EPC2: variants seen among roughly 807,000 people sequenced by gnomAD.
EPC2 encodes the protein enhancer of polycomb homolog 2.
EPC2 carries 14 observed loss-of-function variants against 92.1 expected under a neutral mutation model. That is an observed-to-expected ratio of 0.15 (90% CI 0.10 to 0.24). EPC2 has a LOEUF of 0.24. EPC2 is among the 10% of genes least tolerant of loss of function. The pLI is 1.00. For synonymous variants in EPC2, 340 were observed against 334.7 expected (o/e 1.02, Z -0.17); for missense variants, 755 against 971.5 (o/e 0.78, Z 2.96).
intron 2 of EPC2, among the ~76,000 whole-genome samples, chr2:148,707,987 T>A (rs1039805450): frequency 6.7e-6 from 1 of 148,886 alleles, no homozygotes; most frequent in African/African-American, 2.6e-5. Context: ...AGGCAAGAAA[T>A]AACTTAAGAT....
chr2:148,717,897 T>G (rs1682290937), intron 2 of EPC2, among the ~76,000 whole-genome samples: 1 of 152,212 alleles, frequency 6.6e-6, no homozygotes, highest in South Asian at 2.1e-4. Context: ...ATTGAAGGTC[T>G]CTAAGAACTT....
chr2:148,658,880 A>G (rs930133134), intron 1 of EPC2, among the ~76,000 whole-genome samples: 1 of 151,976 alleles, frequency 6.6e-6, no homozygotes, highest in Admixed American at 6.6e-5. Flanking sequence ...AAAGATATAT[A>G]TGTATATCTT....
intron 2 of EPC2, among the ~76,000 whole-genome samples, chr2:148,694,165 G>A (rs1248865043): frequency 1.3e-5 from 2 of 152,138 alleles, no homozygotes; most frequent in African/African-American, 2.4e-5. Context: ...TCAAATATAA[G>A]GCTAAAATTA....
chr2:148,680,479 T>A (rs558688121), intron 1 of EPC2, among the ~76,000 whole-genome samples: 1 of 152,364 alleles, frequency 6.6e-6, no homozygotes, highest in South Asian at 2.1e-4. Flanking sequence ...TTGTAGCATA[T>A]TCAGCCATCT....
chr2:148,710,772 C>G (rs1351973334), intron 2 of EPC2, among the ~76,000 whole-genome samples: 1 of 152,118 alleles, frequency 6.6e-6, no homozygotes, highest in South Asian at 2.1e-4. Flanking sequence ...CGCATGTTCT[C>G]ACTCATAGGT....
At chr2:148,690,837 AT>A (rs1340509495) in intron 2 of EPC2, among the ~76,000 whole-genome samples, 1 of 151,960 alleles carries the variant, frequency 6.6e-6, no homozygotes, top group African/African-American at 2.4e-5. Flanking sequence ...TGATGTTTGT[AT>A]TTTTAGTAGA....
intron 2 of EPC2, among the ~76,000 whole-genome samples, chr2:148,728,243 G>A (rs1198627539): frequency 1.3e-5 from 2 of 152,132 alleles, no homozygotes; most frequent in African/African-American, 4.8e-5. Flanking sequence ...ACCCTGCCAA[G>A]AAAGTGTATT....
At chr2:148,708,308 G>A (rs142194339) in intron 2 of EPC2, among the ~76,000 whole-genome samples, 3 of 151,916 alleles carry the variant, frequency 2.0e-5, no homozygotes, top group Non-Finnish European at 2.9e-5. Flanking sequence ...AAGTTGAATC[G>A]CTGAATAGAC....
intron 1 of EPC2, among the ~76,000 whole-genome samples, 152 bp from the exon 2 acceptor site, chr2:148,690,062 T>G (rs1274709028): frequency 6.6e-6 from 1 of 152,244 alleles, no homozygotes; most frequent in Non-Finnish European, 1.5e-5. Flanking sequence ...GAGAGAATGA[T>G]GACAATGTAA....
intron 1 of EPC2, among the ~76,000 whole-genome samples, chr2:148,684,593 A>G (rs1245522260): frequency 1.3e-5 from 2 of 152,142 alleles, no homozygotes; most frequent in African/African-American, 4.8e-5. Flanking sequence ...GTTGATACCA[A>G]CTGTTTGGTA....
intron 2 of EPC2, among the ~76,000 whole-genome samples, chr2:148,734,037 G>C (rs1167369870): frequency 6.6e-6 from 1 of 152,084 alleles, no homozygotes; most frequent in Non-Finnish European, 1.5e-5. Flanking sequence ...AATGATTTGT[G>C]ATATCACTTG....
intron 4 of EPC2, 55 bp downstream of exon 4, chr2:148,754,188 C>CT (rs969630029): frequency 6.7e-4 from 853 of 1,279,086 alleles, no homozygotes; most frequent in Non-Finnish European, 7.6e-4. Context: ...CAAGATCAAT[C>CT]TTTTTTTTTC....
chr2:148,744,989 G>GCT (rs1682953005), intron 3 of EPC2, among the ~76,000 whole-genome samples: 2 of 46,296 alleles, frequency 4.3e-5, no homozygotes, highest in African/African-American at 6.2e-5. Flanking sequence ...CTATCAGTTT[G>GCT]CCCCCCCCCC....
chr2:148,771,114 A>C lies in EPC2; in HGVS notation c.1447A>C (p.Ser483Arg), dbSNP rs1440661253. Residue 483 changes from serine to arginine, a missense_variant, in exon 10 of 14, where the codon AGT becomes CGT. Transcript: ENST00000258484. The stretch of plus-strand genomic sequence containing the variant: ...ACAGATAGACCCTGAAATGCTGAAT[A>C]GTTTTTCAAGCTCTTCCCAAACTAT... ...LKQIDPEMLN[S>R]FSSSSQTIDF... 1 of 1,613,642 alleles carries C rather than the reference A, an allele frequency of 6.2e-7. No homozygotes were observed. Among genetic ancestry groups the C allele is most frequent in the South Asian group, 1.1e-5 (1 of 91,050 alleles).
intron 1 of EPC2, among the ~76,000 whole-genome samples, chr2:148,686,120 C>T (rs1300258357): frequency 6.6e-6 from 1 of 152,172 alleles, no homozygotes; most frequent in Non-Finnish European, 1.5e-5. Context: ...CACAGTAGAA[C>T]TTTTTTCAAA....
In EPC2 at chr2:148,748,492, G is replaced by GT. The variant is rs528907176; in HGVS notation, c.459+4731dup. 2.5e-3 allele frequency among the ~76,000 whole-genome samples: 373 copies of GT among 151,950 alleles called. 4 individuals are homozygous for GT. Among genetic ancestry groups the GT allele is most frequent in the Middle Eastern group, 3.4e-3 (1 of 294 alleles). On this transcript the variant is annotated intron_variant, in intron 3 of 13. Coordinates refer to ENST00000258484, the MANE Select transcript of EPC2 (RefSeq NM_015630.4). Reference sequence around the variant, plus strand: ...TCCCAAACATCACTAAATCAAACCAGTTTTTTGTTCCACAATGTTACACAG... The same window carrying GT: ...TCCCAAACATCACTAAATCAAACCAGTTTTTTTGTTCCACAATGTTACACAG...
rs932295038 is a variant in EPC2 at position 148,737,992 on chromosome 2, T to C, written c.314-5630T>C. Among the ~76,000 whole-genome samples, 5 of 152,306 alleles carry C rather than the reference T, an allele frequency of 3.3e-5. No homozygotes were observed. In the East Asian group the frequency reaches 9.6e-4, roughly 29 times the overall value. On this transcript the variant is annotated intron_variant, in intron 2 of 13. Coordinates refer to ENST00000258484, the MANE Select transcript of EPC2 (RefSeq NM_015630.4). ...GTTGGGAGTGGGTCCTGCTTCCTGTTGTCTGTCCCCTGCAGCCATTTTATA... is the reference window on the plus strand; with the variant it reads ...GTTGGGAGTGGGTCCTGCTTCCTGTCGTCTGTCCCCTGCAGCCATTTTATA...
At chr2:148,691,347 G>A (rs556638957) in intron 2 of EPC2, among the ~76,000 whole-genome samples, 24 of 152,240 alleles carry the variant, frequency 1.6e-4, no homozygotes, top group African/African-American at 4.6e-4. Context: ...AGATCCCAAG[G>A]CTCAACATCC....
At chr2:148,729,031 CAAAAAAAAAAAAA>C (rs376309552) in intron 2 of EPC2, among the ~76,000 whole-genome samples, 10 of 63,662 alleles carry the variant, frequency 1.6e-4, no homozygotes, top group African/African-American at 4.4e-4. Flanking sequence ...AACTCCATCT[CAAAAAAAAAAAAA>C]AAAAAAAAAA....
Sources: gnomAD v4.1 joint callset for allele counts (sites outside exome capture counted in the v4.1 genomes callset) on GRCh38, gnomAD v4.1.1 for gene constraint, MANE v1.5 for transcripts, NCBI Gene and HGNC (gene_info 2026-07-23, HGNC 2026-07-21) for gene names.